SCAF11: variants seen among roughly 807,000 people sequenced by gnomAD.
The protein encoded by SCAF11 is protein SCAF11.
Under a neutral mutation model 140.5 loss-of-function variants are expected in SCAF11, and 47 were observed. That is an observed-to-expected ratio of 0.33 (90% CI 0.26 to 0.43). SCAF11 has a LOEUF of 0.43. SCAF11 is among the 20% of genes least tolerant of loss of function. The probability of loss-of-function intolerance (pLI) is 1.00; values close to 1 mark genes in which losing one functional copy is unlikely to be tolerated. For missense variants in SCAF11, 1,645 were observed against 1,705.1 expected, an observed-to-expected ratio of 0.96 and a Z score of 0.62; for synonymous variants, 557 against 579.4, an observed-to-expected ratio of 0.96 and a Z score of 0.55.
At chr12:45,987,971 A>G (rs967485167) in intron 1 of SCAF11, among the ~76,000 whole-genome samples, 1 of 152,230 alleles carries the variant, frequency 6.6e-6, no homozygotes, top group African/African-American at 2.4e-5. Context: ...CATAGACACA[A>G]CTTAAAAAAA....
intron 10 of SCAF11, chr12:45,930,994 T>C (rs1257644925): frequency 1.3e-5 from 2 of 152,266 alleles, no homozygotes; most frequent in Non-Finnish European, 2.9e-5. Context: ...ACTGTATTAT[T>C]ATAGTCATCA....
chr12:45,928,496 G>C lies in SCAF11; in HGVS notation c.1205C>G (p.Ser402Cys). ...SSVAAPEKSS[S>C]NDSVDEETAE... is the part of the protein sequence containing the mutation. ...TGTTTCTTCATCTACTGAATCATTGGAAGATGATTTTTCAGGGGCAGCTAC... is the reference window on the plus strand; with the variant it reads ...TGTTTCTTCATCTACTGAATCATTGCAAGATGATTTTTCAGGGGCAGCTAC... The change falls in exon 11 of 15, where the codon TCC becomes TGC. Residue 402 changes from serine (S) to cysteine (C), a missense_variant. By Grantham distance (112) the Ser-to-Cys change is moderately radical. Transcript: ENST00000369367. 6.2e-7 allele frequency: 1 copy of C among 1,613,568 alleles called. No individual in the cohort carries two copies. The highest frequency in any genetic ancestry group is 8.5e-7 in the Non-Finnish European group (1 of 1,179,798).
intron 8 of SCAF11, 106 bp downstream of exon 8, chr12:45,934,070 G>A (rs1278666829): frequency 3.4e-6 from 2 of 588,944 alleles, no homozygotes; most frequent in East Asian, 6.3e-5. Context: ...ACAACCAGGT[G>A]GGCCTTTCAG....
At chr12:45,964,928 AGT>A (rs71724498) in intron 1 of SCAF11, among the ~76,000 whole-genome samples, 17 of 150,376 alleles carry the variant, frequency 1.1e-4, no homozygotes, top group East Asian at 3.9e-4. Flanking sequence ...AGTGGGTGAA[AGT>A]GTGTGTGTGT....
intron 13 of SCAF11, 96 bp from the exon 14 acceptor site, chr12:45,922,678 A>C: frequency 1.7e-6 from 2 of 1,204,206 alleles, no homozygotes; most frequent in African/African-American, 3.1e-5. Context: ...ATTTACAATA[A>C]GAGACTCTCC....
At chr12:45,990,103 C>A (rs1009131006) in intron 1 of SCAF11, among the ~76,000 whole-genome samples, 2 of 150,524 alleles carry the variant, frequency 1.3e-5, no homozygotes, top group Admixed American at 6.6e-5. Context: ...GGCCCAGGGC[C>A]GGGCCGAGCC....
chr12:45,938,311 G>A (rs1345553312), intron 6 of SCAF11, among the ~76,000 whole-genome samples: 2 of 152,040 alleles, frequency 1.3e-5, no homozygotes, highest in Non-Finnish European at 2.9e-5. Flanking sequence ...CCAACATGGT[G>A]AAACCCTGCT....
chr12:45,949,357 T>C (rs1037194445), intron 4 of SCAF11, among the ~76,000 whole-genome samples: 1 of 152,172 alleles, frequency 6.6e-6, no homozygotes, highest in Non-Finnish European at 1.5e-5. Flanking sequence ...TTTAAAAGAA[T>C]GTAAAATCTC....
At chr12:45,949,436 T>A (rs965728632) in intron 4 of SCAF11, among the ~76,000 whole-genome samples, 3 of 152,202 alleles carry the variant, frequency 2.0e-5, no homozygotes, top group Non-Finnish European at 1.5e-5. Flanking sequence ...AAATAAAATA[T>A]ATCATTCAAT....
Position 45,922,346 on chromosome 12 carries a change from T to G in SCAF11, c.4245+117A>C, listed in dbSNP as rs536717229. On this transcript the variant is annotated intron_variant, in intron 14 of 14. Transcript: ENST00000369367. ...ACAAACTAATCAAAAGGCAAAAAAG[T>G]AGACAGGAATTAGTAGGAGCTAGCT... 4.1e-6 allele frequency: 6 copies of G among 1,479,958 alleles called. No individual in the cohort carries two copies. The East Asian group carries it at 1.4e-4, about 34-fold the overall frequency. 91.7% of individuals were successfully genotyped at this position (1,479,958 alleles called of 1,614,324 possible). A position where few individuals can be genotyped will look rare whatever the true frequency, so the allele number is the denominator to read the frequency against.
intron 1 of SCAF11, among the ~76,000 whole-genome samples, chr12:45,979,487 T>G (rs761636342): frequency 6.6e-6 from 1 of 152,128 alleles, no homozygotes; most frequent in African/African-American, 2.4e-5. Context: ...CTTTACAGAG[T>G]TTCAATTCCA....
At chr12:45,991,982 C>T, upstream of SCAF11, 1 of 1,289,146 alleles carries the variant, frequency 7.8e-7, no homozygotes, top group South Asian at 1.2e-5. Context: ...ACCCTGACGC[C>T]TGCCCGGGAT....
At chr12:45,941,795 G>C (rs1165501152) in intron 6 of SCAF11, among the ~76,000 whole-genome samples, 2 of 152,136 alleles carry the variant, frequency 1.3e-5, no homozygotes, top group African/African-American at 4.8e-5. Flanking sequence ...CGATGCAGCT[G>C]ACCCTTGAAC....
At chr12:45,964,751 T>C (rs1232080673) in intron 1 of SCAF11, among the ~76,000 whole-genome samples, 1 of 152,004 alleles carries the variant, frequency 6.6e-6, no homozygotes, top group African/African-American at 2.4e-5. Flanking sequence ...CAGACATAAA[T>C]GCAATTGAAG....
intron 1 of SCAF11, among the ~76,000 whole-genome samples, chr12:45,979,433 C>T (rs1288739337): frequency 1.3e-5 from 2 of 152,210 alleles, no homozygotes; most frequent in Admixed American, 6.5e-5. Flanking sequence ...CAAAACACTG[C>T]TTCTGAAATT....
At chr12:45,968,036 G>C (rs199581239) in intron 1 of SCAF11, among the ~76,000 whole-genome samples, 2 of 152,168 alleles carry the variant, frequency 1.3e-5, no homozygotes, top group East Asian at 1.9e-4. Context: ...GATGTGGGTA[G>C]GTAGGACTAC....
chr12:45,977,625 T>C (rs1242814559), intron 1 of SCAF11, among the ~76,000 whole-genome samples: 2 of 152,172 alleles, frequency 1.3e-5, no homozygotes, highest in Non-Finnish European at 2.9e-5. Context: ...TTGAAAATAT[T>C]ATGAACTAAA....
At position 45,931,589 on chromosome 12, in the gene SCAF11, A is replaced by G; in HGVS notation, c.758T>C (p.Val253Ala). The G allele has an allele frequency of 6.5e-7, 1 of 1,537,788 alleles. No homozygotes were observed. The highest frequency in any genetic ancestry group is 8.7e-7 in the Non-Finnish European group (1 of 1,150,056). ...IGRIGFIPWNVETEVLPLISS... is the reference protein window; with the variant it reads ...IGRIGFIPWNAETEVLPLISS... ...AATGAGAGGAAGGACTTCTGTTTCAACATTCCAGGGTATAAAACCAATTCT... is the reference window on the plus strand; with the variant it reads ...AATGAGAGGAAGGACTTCTGTTTCAGCATTCCAGGGTATAAAACCAATTCT... Residue 253 changes from valine to alanine, a missense_variant, in exon 10 of 15, where the codon GTT becomes GCT. Physicochemically the swap from Val to Ala is moderately conservative, Grantham distance 64. This residue lies in a region of SCAF11 where 1,582 missense variants were observed against 1,609.2 expected (regional missense o/e 0.98). Transcript: ENST00000369367.
rs145570738 is a variant in SCAF11, at chr12:45,926,567, G to C, written c.3134C>G (p.Ser1045Cys). 1 of 1,613,160 alleles carries C rather than the reference G, an allele frequency of 6.2e-7. No homozygotes were observed. The highest frequency in any genetic ancestry group is 8.5e-7 in the Non-Finnish European group (1 of 1,179,860). Residue 1045 changes from serine (S) to cysteine (C), a missense_variant, in exon 11 of 15, where the codon TCT (serine) becomes TGT (cysteine). By Grantham distance (112) the Ser-to-Cys change is moderately radical. This residue lies in a region of SCAF11 where 1,582 missense variants were observed against 1,609.2 expected (regional missense o/e 0.98). Coordinates refer to ENST00000369367, the MANE Select transcript of SCAF11 (RefSeq NM_004719.3). ...RTRNPEKLKE[S>C]HWEENRNENS... ...TTCATTTCTATTTTCTTCCCAATGA[G>C]ACTCTTTCAACTTTTCTGGATTTCT...
Sources: allele counts gnomAD v4.1 joint callset (sites outside exome capture counted in the v4.1 genomes callset), GRCh38; gene constraint gnomAD v4.1.1; regional missense constraint gnomAD v4.1.1; transcripts MANE v1.5; gene names NCBI Gene and HGNC (gene_info 2026-07-23, HGNC 2026-07-21).